PTPRQ: variants seen among roughly 807,000 people sequenced by gnomAD.
PTPRQ encodes the protein protein tyrosine phosphatase receptor type Q.
In PTPRQ, 199 loss-of-function variants were observed where a neutral mutation model predicts 246.0. The observed-to-expected ratio is 0.81, with a 90% CI of 0.72 to 0.91. The LOEUF is 0.91. PTPRQ is among the 40% of genes least tolerant of loss of function. The pLI is 0.00. For missense variants in PTPRQ, 2,624 were observed against 2,528.4 expected (o/e 1.04, Z -0.81); for synonymous variants, 869 against 853.2 (o/e 1.02, Z -0.32).
At chr12:80,590,498 T>C (rs991095308) in intron 26 of PTPRQ, among the ~76,000 whole-genome samples, 1 of 151,776 alleles carries the variant, frequency 6.6e-6, no homozygotes, top group African/African-American at 2.4e-5. Flanking sequence ...AAACCCCGTC[T>C]CTACTAAAAA....
In PTPRQ at chr12:80,558,119, C is replaced by CTTTCTTTTCTTCTCT. The variant is rs1555198000; in HGVS notation, c.4285+8396_4285+8397insCTCTTTTCTTTTCTT. On this transcript the variant is annotated intron_variant, in intron 25 of 44. Coordinates refer to ENST00000644991, the MANE Select transcript of PTPRQ (RefSeq NM_001145026.2). ...CCCTCCTTTCTTCTTTCTTTTCTTTCTTTCTTTTCTTTTCTTTTCTTTTCT... is the reference window on the plus strand; with the variant it reads ...CCCTCCTTTCTTCTTTCTTTTCTTTCTTTCTTTTCTTCTCTTTTCTTTTCTTTTCTTTTCTTTTCT... Among the ~76,000 whole-genome samples the CTTTCTTTTCTTCTCT allele has an allele frequency of 4.2e-5, 4 of 95,680 alleles. No homozygotes were observed. The East Asian group carries it at 1.2e-3, about 28-fold the overall frequency. 62.8% of individuals were successfully genotyped at this position (95,680 alleles called of 152,430 possible).
intron 25 of PTPRQ, chr12:80,561,700 A>T (rs960042829): frequency 2.6e-5 from 4 of 152,034 alleles, no homozygotes; most frequent in East Asian, 1.9e-4. Context: ...ATTGCTTGAG[A>T]TTCTCTGCGT....
chr12:80,483,604 C>G (rs1455751917), intron 8 of PTPRQ, among the ~76,000 whole-genome samples: 2 of 152,048 alleles, frequency 1.3e-5, no homozygotes, highest in Non-Finnish European at 1.5e-5. Flanking sequence ...ATTTATTATA[C>G]TTTCAGTTCT....
At chr12:80,527,378 TA>T (rs1216825165) in intron 17 of PTPRQ, among the ~76,000 whole-genome samples, 2 of 152,110 alleles carry the variant, frequency 1.3e-5, no homozygotes, top group Non-Finnish European at 2.9e-5. Flanking sequence ...CTTTTCCAAA[TA>T]AAAATTGTGT....
chr12:80,480,526 A>G lies in PTPRQ; in HGVS notation c.1187-3907A>G, dbSNP rs931421526. 2.5e-3 allele frequency among the ~76,000 whole-genome samples: 360 copies of G among 145,572 alleles called. 4 individuals carry two copies. The highest frequency in any genetic ancestry group is 8.8e-3 in the African/African-American group (342 of 39,084). ...GAAGGCAAGAAATAACTAAAATCAG[A>G]GCAGAACTGAAGGAAACAGAGACAC... On this transcript the variant is annotated intron_variant, in intron 8 of 44. Transcript: ENST00000644991.
At chr12:80,510,761 A>T (rs1219487509) in intron 17 of PTPRQ, among the ~76,000 whole-genome samples, 1 of 152,174 alleles carries the variant, frequency 6.6e-6, no homozygotes. Flanking sequence ...GAAGTTTTAC[A>T]CAAGTACTCT....
chr12:80,660,725 T>G (rs925287648), intron 39 of PTPRQ, among the ~76,000 whole-genome samples: 5 of 152,034 alleles, frequency 3.3e-5, no homozygotes, highest in Non-Finnish European at 7.4e-5. Flanking sequence ...AACATCAGAT[T>G]TGTTCCTATG....
chr12:80,624,872 C>A (rs927640934), intron 33 of PTPRQ, among the ~76,000 whole-genome samples: 5 of 152,080 alleles, frequency 3.3e-5, no homozygotes, highest in Non-Finnish European at 5.9e-5. Flanking sequence ...TAAAATACAT[C>A]AACACTAACA....
intron 35 of PTPRQ, among the ~76,000 whole-genome samples, chr12:80,635,274 A>T (rs1283245672): frequency 6.6e-6 from 1 of 152,218 alleles, no homozygotes; most frequent in Non-Finnish European, 1.5e-5. Context: ...ATTTTGAGTT[A>T]AATATGAACT....
chr12:80,570,023 A>G (rs1897098620), intron 25 of PTPRQ, among the ~76,000 whole-genome samples: 1 of 152,182 alleles, frequency 6.6e-6, no homozygotes, highest in Non-Finnish European at 1.5e-5. Context: ...TGCTATTGTG[A>G]ATAGTGCTGC....
intron 35 of PTPRQ, among the ~76,000 whole-genome samples, chr12:80,647,963 C>A (rs574309058): frequency 2.0e-4 from 31 of 152,216 alleles, no homozygotes; most frequent in African/African-American, 7.5e-4. Flanking sequence ...CCATATTTTT[C>A]AACAATTCCT....
chr12:80,669,469 A>C lies in PTPRQ; in HGVS notation c.6453+5A>C, dbSNP rs1274474693. On this transcript the variant is annotated splice_donor_5th_base_variant and intron_variant, in intron 41 of 44. Coordinates refer to ENST00000644991, the MANE Select transcript of PTPRQ (RefSeq NM_001145026.2). Reference sequence around the variant, plus strand: ...AGGGATCTGAAAATTGAAAGGGTAAAAAAAAAAGGGGGGGACGAGAGAACA... The same window carrying C: ...AGGGATCTGAAAATTGAAAGGGTAACAAAAAAAGGGGGGGACGAGAGAACA... The C allele has an allele frequency of 6.5e-7, 1 of 1,536,714 alleles. No homozygotes were observed. The highest frequency in any genetic ancestry group is 2.1e-5 in the Admixed American group (1 of 47,736).
At chr12:80,644,566 A>C (rs1288849055) in intron 35 of PTPRQ, among the ~76,000 whole-genome samples, 1 of 152,062 alleles carries the variant, frequency 6.6e-6, no homozygotes, top group East Asian at 1.9e-4. Context: ...AGCACTCCTG[A>C]AATAGCATTG....
intron 9 of PTPRQ, among the ~76,000 whole-genome samples, chr12:80,491,768 C>T (rs1000675647): frequency 5.3e-5 from 8 of 151,840 alleles, no homozygotes; most frequent in African/African-American, 1.7e-4. Flanking sequence ...TTTTCCTGAG[C>T]ACCTACTTTC....
intron 8 of PTPRQ, among the ~76,000 whole-genome samples, chr12:80,481,371 A>C (rs1322298940): frequency 2.6e-5 from 4 of 152,200 alleles, no homozygotes; most frequent in Non-Finnish European, 5.9e-5. Flanking sequence ...GATGGGACGT[A>C]TTTCAAAATA....
chr12:80,486,562 T>C (rs1729592498), intron 9 of PTPRQ, among the ~76,000 whole-genome samples: 1 of 152,176 alleles, frequency 6.6e-6, no homozygotes. Context: ...GGTGCCTTCA[T>C]TTATATAATG....
At position 80,653,183 on chromosome 12, in the gene PTPRQ, A is replaced by G. The variant is rs1182066310; in HGVS notation, c.6115+349A>G. On this transcript the variant is annotated intron_variant, in intron 38 of 44. Transcript: ENST00000644991. ...GGAATATTCTCACTTAGCTTTGTGC[A>G]TTAGTTTCCCTTCACAGCATAGCAG... 2.0e-5 allele frequency among the ~76,000 whole-genome samples: 3 copies of G among 152,292 alleles called. No homozygotes were observed. The East Asian group carries it at 5.8e-4, about 29-fold the overall frequency.
At chr12:80,659,467 T>A (rs1027983120) in intron 39 of PTPRQ, among the ~76,000 whole-genome samples, 1 of 152,112 alleles carries the variant, frequency 6.6e-6, no homozygotes, top group Admixed American at 6.6e-5. Flanking sequence ...ACCTATTGAT[T>A]TGTATCATTT....
rs1894942784 is a variant in PTPRQ at position 80,505,927 on chromosome 12, C to T, written c.2273-97C>T. 23 of 1,301,374 alleles carry T rather than the reference C, an allele frequency of 1.8e-5. No individual in the cohort carries two copies. In the South Asian group the frequency reaches 4.1e-4, roughly 23 times the overall value. 80.6% of individuals were successfully genotyped at this position (1,301,374 alleles called of 1,614,324 possible). ...TTACGATTACATTCTAGTGAAGGTT[C>T]AATTGTAAATAACCTAGTGCACTTC... On this transcript the variant is annotated intron_variant, in intron 14 of 44. Transcript: ENST00000644991.
Sources: allele counts gnomAD v4.1 joint callset (sites outside exome capture counted in the v4.1 genomes callset), GRCh38; gene constraint gnomAD v4.1.1; transcripts MANE v1.5; gene names NCBI Gene and HGNC (gene_info 2026-07-23, HGNC 2026-07-21).